MLIP: variants seen among roughly 807,000 people sequenced by gnomAD.
MLIP encodes muscular LMNA interacting protein.
In MLIP, 79 loss-of-function variants were observed where a neutral mutation model predicts 84.8. The ratio of observed to expected loss-of-function variants is 0.93; its 90% CI spans 0.78 to 1.12. MLIP has a LOEUF of 1.12. Among genes scored for constraint, MLIP ranks in the 50% most tolerant of loss-of-function variants. The pLI is 0.00. For missense variants in MLIP, 1,257 were observed against 1,160.6 expected, an observed-to-expected ratio of 1.08 and a Z score of -1.21; for synonymous variants, 504 against 463.0, an observed-to-expected ratio of 1.09 and a Z score of -1.14.
intron 10 of MLIP, among the ~76,000 whole-genome samples, chr6:54,198,742 G>C (rs1333511811): frequency 6.6e-6 from 1 of 152,096 alleles, no homozygotes; most frequent in Admixed American, 6.5e-5. Context: ...CTATGTCCAT[G>C]TTTCTCTCCT....
chr6:54,158,574 C>T (rs577682699), intron 5 of MLIP, among the ~76,000 whole-genome samples: 1 of 152,024 alleles, frequency 6.6e-6, no homozygotes, highest in South Asian at 2.1e-4. Context: ...TGTAAAATAC[C>T]TATAATCGAT....
At chr6:54,157,205 C>T (rs955348702) in intron 5 of MLIP, among the ~76,000 whole-genome samples, 2 of 152,040 alleles carry the variant, frequency 1.3e-5, no homozygotes, top group African/African-American at 2.4e-5. Flanking sequence ...TAATCCTGGT[C>T]TTTAATTTCT....
chr6:54,081,432 A>C (rs1356244265), intron 1 of MLIP, among the ~76,000 whole-genome samples: 1 of 151,942 alleles, frequency 6.6e-6, no homozygotes, highest in African/African-American at 2.4e-5. Context: ...TTTGAGACAG[A>C]GTTTCGTTTA....
chr6:54,229,093 G>C (rs1780800509), intron 11 of MLIP, among the ~76,000 whole-genome samples: 1 of 152,176 alleles, frequency 6.6e-6, no homozygotes, highest in African/African-American at 2.4e-5. Flanking sequence ...TGGAAGAAAT[G>C]AAAAGTATCA....
intron 4 of MLIP, among the ~76,000 whole-genome samples, chr6:54,140,188 G>A (rs1772170899): frequency 6.6e-6 from 1 of 151,536 alleles, no homozygotes; most frequent in Non-Finnish European, 1.5e-5. Context: ...TTCTTTTTTT[G>A]TGAAAAGTGA....
At chr6:54,156,301 C>T (rs1774026388) in intron 5 of MLIP, among the ~76,000 whole-genome samples, 1 of 152,016 alleles carries the variant, frequency 6.6e-6, no homozygotes, top group African/African-American at 2.4e-5. Flanking sequence ...TTTAAAAATA[C>T]AGCCTGAGTA....
At chr6:54,177,516 T>G (rs1168365336) in intron 9 of MLIP, among the ~76,000 whole-genome samples, 2 of 152,058 alleles carry the variant, frequency 1.3e-5, no homozygotes, top group Non-Finnish European at 2.9e-5. Context: ...CCAGTCAGAA[T>G]GGGAATTATT....
At chr6:54,260,189 A>G (rs1783289099) in intron 13 of MLIP, among the ~76,000 whole-genome samples, 1 of 151,956 alleles carries the variant, frequency 6.6e-6, no homozygotes. Context: ...TCATTTAAAT[A>G]CAAACAGATG....
intron 3 of MLIP, among the ~76,000 whole-genome samples, chr6:54,128,946 C>A (rs1027056198): frequency 1.8e-4 from 28 of 151,412 alleles, no homozygotes; most frequent in African/African-American, 6.1e-4. Context: ...GGAGGGGGGG[C>A]ACAAAGTCAG....
At chr6:54,019,235 T>C (rs1349911006) in intron 1 of MLIP, 1 of 768,374 alleles carries the variant, frequency 1.3e-6, no homozygotes, top group Non-Finnish European at 2.1e-6. Context: ...ATGAGTTCCA[T>C]GGGCTTTCCT....
chr6:54,124,551 G>C lies in MLIP; in HGVS notation c.331G>C (p.Glu111Gln), dbSNP rs1373300232. Residue 111 changes from glutamate (E) to glutamine (Q), a missense_variant, in exon 3 of 14, where the codon GAG (glutamate) becomes CAG (glutamine). Physicochemically the swap from Glu to Gln is conservative, Grantham distance 29. Coordinates refer to ENST00000502396, the MANE Select transcript of MLIP (RefSeq NM_001281747.2). ...RDQAKLTCPS[E>Q]VSGTILQERE... ...CCAAGCGAAATTGACTTGTCCTTCA[G>C]AGGTCAGTGGAACGATTTTACAAGA... 1 of 1,614,076 alleles carries C rather than the reference G, an allele frequency of 6.2e-7. No individual in the cohort carries two copies. Among genetic ancestry groups the C allele is most frequent in the Non-Finnish European group, 8.5e-7 (1 of 1,180,036 alleles).
At chr6:54,245,676 A>G (rs1430444418) in intron 12 of MLIP, among the ~76,000 whole-genome samples, 1 of 152,120 alleles carries the variant, frequency 6.6e-6, no homozygotes, top group Non-Finnish European at 1.5e-5. Flanking sequence ...TTGTTTTTTT[A>G]AAAAAGTTTC....
At chr6:54,215,460 C>T (rs1171945633) in intron 11 of MLIP, 7 of 1,130,354 alleles carry the variant, frequency 6.2e-6, no homozygotes, top group African/African-American at 3.2e-5. Context: ...TTTCCAAGTG[C>T]TTTCATCTTT....
intron 1 of MLIP, among the ~76,000 whole-genome samples, chr6:54,045,041 C>A (rs983540213): frequency 1.3e-5 from 2 of 152,028 alleles, no homozygotes; most frequent in Non-Finnish European, 1.5e-5. Flanking sequence ...GATATCTCTT[C>A]CTTCAGTAGA....
intron 4 of MLIP, among the ~76,000 whole-genome samples, chr6:54,144,365 A>G (rs375170070): frequency 6.6e-6 from 1 of 152,146 alleles, no homozygotes; most frequent in Non-Finnish European, 1.5e-5. Context: ...TCCTCATCCT[A>G]TTGTTTATAT....
At chr6:54,242,624 C>T (rs948845594) in intron 12 of MLIP, among the ~76,000 whole-genome samples, 2 of 152,048 alleles carry the variant, frequency 1.3e-5, no homozygotes, top group Non-Finnish European at 2.9e-5. Flanking sequence ...GTAATTCTAA[C>T]CTTCCCCTAC....
At chr6:54,218,529 TA>T (rs1367092243) in intron 11 of MLIP, among the ~76,000 whole-genome samples, 2 of 152,108 alleles carry the variant, frequency 1.3e-5, no homozygotes, top group Non-Finnish European at 2.9e-5. Flanking sequence ...AATTTATTAA[TA>T]TTTTTTTGAG....
In MLIP at chr6:54,124,758, A is replaced by T. The variant is rs753459828; in HGVS notation, c.538A>T (p.Ser180Cys). Residue 180 changes from serine to cysteine, a missense_variant, in exon 3 of 14, where the codon AGT becomes TGT. Coordinates refer to ENST00000502396, the MANE Select transcript of MLIP (RefSeq NM_001281747.2). The part of the protein sequence containing the change: ...VRPKSLAISS[S>C]LVSDVVRPKT... ...GCCCAAGTCTCTAGCTATCTCGTCC[A>T]GTCTGGTCTCTGATGTAGTGCGTCC... 1.2e-6 allele frequency: 2 copies of T among 1,614,216 alleles called. No individual in the cohort carries two copies. The highest frequency in any genetic ancestry group is 2.7e-5 in the African/African-American group (2 of 75,064).
intron 1 of MLIP, among the ~76,000 whole-genome samples, chr6:54,034,110 C>T (rs1486430058): frequency 6.6e-6 from 1 of 152,090 alleles, no homozygotes; most frequent in Non-Finnish European, 1.5e-5. Flanking sequence ...TTTTGGGGAC[C>T]TACTTTGTTG....
Sources: allele counts gnomAD v4.1 joint callset (sites outside exome capture counted in the v4.1 genomes callset), GRCh38; gene constraint gnomAD v4.1.1; transcripts MANE v1.5; gene names NCBI Gene and HGNC (gene_info 2026-07-23, HGNC 2026-07-21).